PIK3R5: variants seen among roughly 807,000 people sequenced by gnomAD.
The protein encoded by PIK3R5 is phosphoinositide-3-kinase regulatory subunit 5.
PIK3R5 carries 32 observed loss-of-function variants against 94.9 expected under a neutral mutation model. The ratio of observed to expected loss-of-function variants is 0.34; its 90% CI spans 0.25 to 0.45. PIK3R5 has a LOEUF of 0.45. Among genes scored for constraint, PIK3R5 ranks in the 20% least tolerant of loss-of-function variants. The probability of loss-of-function intolerance (pLI) is 1.00; values close to 1 mark genes in which losing one functional copy is unlikely to be tolerated. For missense variants in PIK3R5, 853 were observed against 1,144.6 expected, an observed-to-expected ratio of 0.75 and a Z score of 3.68; for synonymous variants, 443 against 479.4, an observed-to-expected ratio of 0.92 and a Z score of 0.99.
intron 1 of PIK3R5, among the ~76,000 whole-genome samples, chr17:8,941,654 C>A (rs552076498): frequency 1.3e-5 from 2 of 152,232 alleles, no homozygotes; most frequent in African/African-American, 2.4e-5. Context: ...GCGGCCCACG[C>A]GGCACCGTGG....
chr17:8,886,988 G>T, intron 12 of PIK3R5, 108 bp downstream of exon 12: 1 of 1,305,172 alleles, frequency 7.7e-7, no homozygotes, highest in Non-Finnish European at 1.1e-6. Flanking sequence ...AGAGGGCCCA[G>T]GTCCTCCATG....
At chr17:8,883,303 T>C (rs375882) in intron 15 of PIK3R5, among the ~76,000 whole-genome samples, 29,152 of 152,110 alleles carry the variant, frequency 0.19, 3,890 homozygotes, top group African/African-American at 0.38. Flanking sequence ...GGGAGGCGGA[T>C]GTTGCAGTGA....
At position 8,955,332 on chromosome 17, in the gene PIK3R5, C is replaced by T. The variant is rs1415458896; in HGVS notation, c.-14+10264G>A. Among the ~76,000 whole-genome samples, 1 of 152,190 alleles carries T rather than the reference C, an allele frequency of 6.6e-6. No individual in the cohort carries two copies. The highest frequency in any genetic ancestry group is 2.4e-5 in the African/African-American group (1 of 41,434). On this transcript the variant is annotated intron_variant, in intron 1 of 18. Coordinates refer to ENST00000447110, the MANE Select transcript of PIK3R5 (RefSeq NM_001142633.3). The surrounding 1 kb of genome is among the most constrained non-coding windows in gnomAD (Gnocchi z 4.4). The stretch of plus-strand genomic sequence containing the variant: ...AAGGCACTGGAGAGTCAGCACTGAA[C>T]AAAATGATTGGAAAGCTTCCCTCAT...
chr17:8,887,755 G>C (rs2151365912), intron 10 of PIK3R5, 72 bp from the exon 11 acceptor site: 18 of 1,430,722 alleles, frequency 1.3e-5, no homozygotes, highest in Non-Finnish European at 1.7e-5. Flanking sequence ...CACTTTGGGA[G>C]GCTGAGGTGG....
At chr17:8,962,078 T>G (rs1469650079) in intron 1 of PIK3R5, among the ~76,000 whole-genome samples, 1 of 152,220 alleles carries the variant, frequency 6.6e-6, no homozygotes, top group Non-Finnish European at 1.5e-5. Flanking sequence ...CCACTTAGGC[T>G]TGGTCAATTC....
In PIK3R5 at chr17:8,904,751, C is replaced by G; in HGVS notation, c.412+26G>C. Reference sequence around the variant, plus strand: ...CATTCTGACCTTCTGAGCCCTGTCCCCCGTGCCAGCTGCCTCAGTGCTTAC... The same window carrying G: ...CATTCTGACCTTCTGAGCCCTGTCCGCCGTGCCAGCTGCCTCAGTGCTTAC... On this transcript the variant is annotated intron_variant, in intron 5 of 18. Coordinates refer to ENST00000447110, the MANE Select transcript of PIK3R5 (RefSeq NM_001142633.3). This position sits in a 1 kb window ranked among gnomAD's most constrained non-coding sequence, Gnocchi z 5.1. 1 of 1,612,760 alleles carries G rather than the reference C, an allele frequency of 6.2e-7. No individual in the cohort carries two copies. Among genetic ancestry groups the G allele is most frequent in the Non-Finnish European group, 8.5e-7 (1 of 1,179,044 alleles).
In PIK3R5 at chr17:8,881,925, G is replaced by C. The variant is rs151095819; in HGVS notation, c.2206-44C>G. 12 of 1,453,118 alleles carry C rather than the reference G, an allele frequency of 8.3e-6. No individual in the cohort carries two copies. In the East Asian group the frequency reaches 2.8e-4, roughly 34 times the overall value. 90.0% of individuals were successfully genotyped at this position (1,453,118 alleles called of 1,614,324 possible). A position where few individuals can be genotyped will look rare whatever the true frequency, so the allele number is the denominator to read the frequency against. On this transcript the variant is annotated intron_variant, in intron 15 of 18. Transcript: ENST00000447110. This position sits in a 1 kb window ranked among gnomAD's most constrained non-coding sequence, Gnocchi z 4.8. ...CAGACCCTCTGAGTCCAGAGGCCCC[G>C]GTGCCTGCTGCCTTCTCTTTGAAGG...
rs770712581 is a variant in PIK3R5 at position 8,881,742 on chromosome 17, C to A, written c.2300-30G>T. Reference sequence around the variant, plus strand: ...GGGGCAAGGACACTCAGGCCAGGCTCAGAGCACCTCCCTACTGCACACCCC... The same window carrying A: ...GGGGCAAGGACACTCAGGCCAGGCTAAGAGCACCTCCCTACTGCACACCCC... On this transcript the variant is annotated intron_variant, in intron 16 of 18. Transcript: ENST00000447110. This position sits in a 1 kb window ranked among gnomAD's most constrained non-coding sequence, Gnocchi z 4.8. 6.2e-7 allele frequency: 1 copy of A among 1,613,070 alleles called. No individual in the cohort carries two copies. Among genetic ancestry groups the A allele is most frequent in the African/African-American group, 1.3e-5 (1 of 74,860 alleles).
intron 1 of PIK3R5, among the ~76,000 whole-genome samples, chr17:8,940,387 G>T (rs2091153783): frequency 1.6e-5 from 1 of 62,458 alleles, no homozygotes; most frequent in African/African-American, 7.6e-5. Context: ...CAATCCCAAA[G>T]CAACCACCGG....
At chr17:8,951,856 C>A (rs75823561) in intron 1 of PIK3R5, among the ~76,000 whole-genome samples, 1,848 of 152,276 alleles carry the variant, frequency 0.012, 50 homozygotes, top group African/African-American at 0.04. Flanking sequence ...GGGGATATAA[C>A]TTTTAGGAAT....
rs375294387 is a variant in PIK3R5, at chr17:8,889,950, C to T, written c.811+23G>A. 1 of 1,611,808 alleles carries T rather than the reference C, an allele frequency of 6.2e-7. No individual in the cohort carries two copies. The highest frequency in any genetic ancestry group is 8.5e-7 in the Non-Finnish European group (1 of 1,178,624). ...ATAGGCCATGGGGAATGTGGGAGAA[C>T]CCCATTCTCCCAAGAGCCTCACCTA... On this transcript the variant is annotated intron_variant, in intron 8 of 18. Transcript: ENST00000447110. This position sits in a 1 kb window ranked among gnomAD's most constrained non-coding sequence, Gnocchi z 4.1.
At chr17:8,891,852 C>T (rs943948830) in intron 6 of PIK3R5, among the ~76,000 whole-genome samples, 4 of 152,038 alleles carry the variant, frequency 2.6e-5, no homozygotes, top group African/African-American at 7.2e-5. Flanking sequence ...GATCCACCCG[C>T]GTCGGCCTCC....
chr17:8,932,809 T>G (rs558002519), intron 1 of PIK3R5, among the ~76,000 whole-genome samples: 8 of 152,184 alleles, frequency 5.3e-5, no homozygotes, highest in African/African-American at 1.4e-4. Context: ...AGAAAATGGG[T>G]GCAGAAAAAA....
chr17:8,941,410 C>T (rs1201720183), intron 1 of PIK3R5, among the ~76,000 whole-genome samples: 1 of 146,292 alleles, frequency 6.8e-6, no homozygotes, highest in Non-Finnish European at 1.5e-5. Flanking sequence ...GAAGAGTGAC[C>T]AGAGACGGCT....
At position 8,884,994 on chromosome 17, in the gene PIK3R5, C is replaced by T. The variant is rs2089779582; in HGVS notation, c.2129-211G>A. 1.0e-5 allele frequency: 6 copies of T among 573,024 alleles called. No individual in the cohort carries two copies. The highest frequency in any genetic ancestry group is 1.9e-5 in the Non-Finnish European group (6 of 318,022). 35.5% of individuals were successfully genotyped at this position (573,024 alleles called of 1,614,324 possible). A position where few individuals can be genotyped will look rare whatever the true frequency, so the allele number is the denominator to read the frequency against. ...CTCAGTGACCCCATCACTCCAGGGCCCATCTCCGCTGTGATCACACATTCC... is the reference window on the plus strand; with the variant it reads ...CTCAGTGACCCCATCACTCCAGGGCTCATCTCCGCTGTGATCACACATTCC... On this transcript the variant is annotated intron_variant, in intron 14 of 18. Transcript: ENST00000447110. The surrounding 1 kb of genome is among the most constrained non-coding windows in gnomAD (Gnocchi z 5.8).
intron 5 of PIK3R5, among the ~76,000 whole-genome samples, chr17:8,898,539 A>G (rs1194604229): frequency 6.6e-6 from 1 of 152,214 alleles, no homozygotes; most frequent in Non-Finnish European, 1.5e-5. Context: ...CTTGTCAGCT[A>G]TGTGACCTGG....
chr17:8,943,914 C>A (rs567331434), intron 1 of PIK3R5, among the ~76,000 whole-genome samples: 1 of 149,314 alleles, frequency 6.7e-6, no homozygotes, highest in Non-Finnish European at 1.5e-5. Flanking sequence ...ATTTTAGGTG[C>A]GGGGGTACAT....
intron 1 of PIK3R5, among the ~76,000 whole-genome samples, chr17:8,942,762 C>T (rs996834791): frequency 8.6e-5 from 13 of 151,968 alleles, no homozygotes; most frequent in Non-Finnish European, 1.3e-4. Context: ...TCCGCCACCA[C>T]GCCCGGCTAA....
chr17:8,924,280 A>G (rs1007164865), intron 1 of PIK3R5, among the ~76,000 whole-genome samples: 28 of 144,580 alleles, frequency 1.9e-4, no homozygotes, highest in African/African-American at 6.2e-4. Context: ...GGGTTTCACC[A>G]TGTTGCCAGG....
Sources: allele counts gnomAD v4.1 joint callset (sites outside exome capture counted in the v4.1 genomes callset), GRCh38; gene constraint gnomAD v4.1.1; non-coding constraint Gnocchi (gnomAD v3.1); transcripts MANE v1.5; gene names NCBI Gene and HGNC (gene_info 2026-07-23, HGNC 2026-07-21).